RAG1: variants seen among roughly 807,000 people sequenced by gnomAD.
RAG1 encodes the protein V(D)J recombination-activating protein 1.
RAG1 carries 35 observed loss-of-function variants against 62.7 expected under a neutral mutation model. That is an observed-to-expected ratio of 0.56 (90% confidence interval 0.43 to 0.74). The LOEUF (loss-of-function observed/expected upper bound fraction) is 0.74. Among genes scored for constraint, RAG1 ranks in the 30% least tolerant of loss-of-function variants. The probability of loss-of-function intolerance (pLI) is 0.00; values close to 1 mark genes in which losing one functional copy is unlikely to be tolerated. For synonymous variants in RAG1, 461 were observed against 470.3 expected (o/e 0.98, Z 0.26); for missense variants, 1,169 against 1,278.6 (o/e 0.91, Z 1.31).
chr11:36,575,046 T>A lies in RAG1; in HGVS notation c.1742T>A (p.Met581Lys). 6.2e-7 allele frequency: 1 copy of A among 1,614,050 alleles called. No homozygotes were observed. Among genetic ancestry groups the A allele is most frequent in the Non-Finnish European group, 8.5e-7 (1 of 1,179,946 alleles). Reference sequence around the variant, plus strand: ...ATGGAAGAAGACATCTTGGAAGGCATGAGATCCCAAGACCTTGATGATTAC... The same window carrying A: ...ATGGAAGAAGACATCTTGGAAGGCAAGAGATCCCAAGACCTTGATGATTAC... Reference protein sequence around the residue: ...MDMEEDILEGMRSQDLDDYLN... With the variant: ...MDMEEDILEGKRSQDLDDYLN... The change falls in exon 2 of 2, where the codon ATG (methionine) becomes AAG (lysine). Residue 581 changes from methionine to lysine, a missense_variant. Transcript: ENST00000299440. The surrounding 1 kb of genome is among the most constrained non-coding windows in gnomAD (Gnocchi z 4.1).
intron 2 of RAG1, among the ~76,000 whole-genome samples, chr11:36,527,258 G>T (rs1178580937): frequency 3.9e-5 from 6 of 152,096 alleles, no homozygotes; most frequent in Non-Finnish European, 1.5e-5. Context: ...GTTAATTTTT[G>T]TATAAGGTGT....
At chr11:36,571,009 A>G (rs942811293) in intron 1 of RAG1, among the ~76,000 whole-genome samples, 1 of 152,190 alleles carries the variant, frequency 6.6e-6, no homozygotes, top group Non-Finnish European at 1.5e-5. Flanking sequence ...TTTGCTGTGC[A>G]GAAGCTTTTA....
chr11:36,572,682 C>T (rs576077884), intron 1 of RAG1, among the ~76,000 whole-genome samples: 22 of 152,192 alleles, frequency 1.4e-4, no homozygotes, highest in Non-Finnish European at 2.2e-4. Flanking sequence ...TTACTATCCA[C>T]GATACTTATT....
In RAG1 at chr11:36,579,342, A is replaced by G. The variant is rs1162165034; in HGVS notation, c.*2906A>G. On this transcript the variant is annotated 3_prime_UTR_variant, in exon 2 of 2. Coordinates refer to ENST00000299440, the MANE Select transcript of RAG1 (RefSeq NM_000448.3). ...TGTGTCTTCAGTGATTGTATGACAG[A>G]TGATGTATTCTTTTGATGTTAAAAG... is the stretch of plus-strand genomic sequence containing the variant. The G allele has an allele frequency of 6.0e-6, 1 of 167,086 alleles. No homozygotes were observed. The highest frequency in any genetic ancestry group is 1.5e-5 in the Non-Finnish European group (1 of 68,130). 10.4% of individuals were successfully genotyped at this position (167,086 alleles called of 1,614,324 possible). A position where few individuals can be genotyped will look rare whatever the true frequency, so the allele number is the denominator to read the frequency against.
intron 2 of RAG1, among the ~76,000 whole-genome samples, chr11:36,527,021 T>C (rs1860173626): frequency 6.6e-6 from 1 of 152,182 alleles, no homozygotes; most frequent in Admixed American, 6.5e-5. Context: ...CATTTTCTCC[T>C]ATTCTGTAGG....
intron 3 of RAG1, among the ~76,000 whole-genome samples, chr11:36,559,229 T>A (rs778326622): frequency 2.0e-5 from 3 of 152,218 alleles, no homozygotes; most frequent in African/African-American, 4.8e-5. Flanking sequence ...TAATGAAGAT[T>A]CCCTTATATT....
rs74534829 is a variant in RAG1 at position 36,571,980 on chromosome 11, G to T, written c.-14-1311G>T. ...ATAGAACAAACTTCAGTAAAGCGGG[G>T]ACTTGAAAAGAGGCTTTGGTAACAG... is the stretch of plus-strand genomic sequence containing the variant. On this transcript the variant is annotated intron_variant, in intron 1 of 1. Coordinates refer to ENST00000299440, the MANE Select transcript of RAG1 (RefSeq NM_000448.3). Among the ~76,000 whole-genome samples, 1,320 of 152,240 alleles carry T rather than the reference G, an allele frequency of 8.7e-3. 21 individuals are homozygous for T. The highest frequency in any genetic ancestry group is 0.031 in the African/African-American group (1,272 of 41,524).
At chr11:36,526,499 G>A (rs1860165316) in intron 2 of RAG1, among the ~76,000 whole-genome samples, 1 of 152,052 alleles carries the variant, frequency 6.6e-6, no homozygotes, top group Non-Finnish European at 1.5e-5. Flanking sequence ...CATTTGGGTT[G>A]GTTACAAGTC....
chr11:36,534,064 AT>A (rs1431718832), intron 2 of RAG1, among the ~76,000 whole-genome samples: 1 of 152,078 alleles, frequency 6.6e-6, no homozygotes. Flanking sequence ...GTTAAAAAAA[AT>A]ATTGATCCCT....
chr11:36,548,307 T>A (rs1035060663), intron 3 of RAG1, among the ~76,000 whole-genome samples: 3 of 152,192 alleles, frequency 2.0e-5, no homozygotes, highest in African/African-American at 7.2e-5. Context: ...ATAAAGCGTA[T>A]TCAGATGGGA....
chr11:36,578,001 A>T lies in RAG1; in HGVS notation c.*1565A>T, dbSNP rs972729242. The stretch of plus-strand genomic sequence containing the variant: ...TGGCTCCAGTTATTTGGAAACTATG[A>T]TCTGCATCCTTAGGAATCTGGGATT... On this transcript the variant is annotated 3_prime_UTR_variant, in exon 2 of 2. Coordinates refer to ENST00000299440, the MANE Select transcript of RAG1 (RefSeq NM_000448.3). The T allele has an allele frequency of 1.2e-5, 2 of 167,130 alleles. No individual in the cohort carries two copies. Among genetic ancestry groups the T allele is most frequent in the African/African-American group, 4.8e-5 (2 of 41,468 alleles). The allele number at this position is 167,130 out of a possible 1,614,324, so 10.4% of individuals were successfully genotyped here.
intron 1 of RAG1, among the ~76,000 whole-genome samples, chr11:36,514,600 G>T (rs2133689471): frequency 6.6e-6 from 1 of 152,332 alleles, no homozygotes; most frequent in Non-Finnish European, 1.5e-5. Context: ...TTGTTTTGCT[G>T]CAACTAGACA....
rs1850894274 is a variant in RAG1 at position 36,578,960 on chromosome 11, T to A, written c.*2524T>A. On this transcript the variant is annotated 3_prime_UTR_variant, in exon 2 of 2. Coordinates refer to ENST00000299440, the MANE Select transcript of RAG1 (RefSeq NM_000448.3). Reference sequence around the variant, plus strand: ...TGAAACCTGAATCTACAAGTTTTCCTGCCAAGCCACTCAGGTGCATTGCAG... The same window carrying A: ...TGAAACCTGAATCTACAAGTTTTCCAGCCAAGCCACTCAGGTGCATTGCAG... The A allele has an allele frequency of 6.0e-6, 1 of 167,110 alleles. No homozygotes were observed. The highest frequency in any genetic ancestry group is 1.5e-5 in the Non-Finnish European group (1 of 68,136). 10.4% of individuals were successfully genotyped at this position (167,110 alleles called of 1,614,324 possible).
At chr11:36,562,304 TTG>T (rs2133281505) in intron 3 of RAG1, among the ~76,000 whole-genome samples, 1 of 152,324 alleles carries the variant, frequency 6.6e-6, no homozygotes, top group South Asian at 2.1e-4. Flanking sequence ...TGGAGGAGGA[TTG>T]TGAGTTCTTG....
intron 2 of RAG1, among the ~76,000 whole-genome samples, chr11:36,529,156 T>G (rs1860212495): frequency 6.6e-6 from 1 of 152,124 alleles, no homozygotes; most frequent in African/African-American, 2.4e-5. Context: ...GCCAGCATCA[T>G]CCTGATACCA....
At chr11:36,512,623 AATGAGGTCAT>A in intron 1 of RAG1, among the ~76,000 whole-genome samples, 1 of 152,330 alleles carries the variant, frequency 6.6e-6, no homozygotes, top group Non-Finnish European at 1.5e-5. Context: ...TATGAGTTCA[AATGAGGTCAT>A]ATGGAAAGAT....
At chr11:36,559,863 C>T (rs1395068765) in intron 3 of RAG1, among the ~76,000 whole-genome samples, 1 of 152,128 alleles carries the variant, frequency 6.6e-6, no homozygotes, top group Non-Finnish European at 1.5e-5. Flanking sequence ...TCAGGCATTT[C>T]ATAGATTTTC....
intron 3 of RAG1, among the ~76,000 whole-genome samples, chr11:36,560,928 T>C (rs1165388353): frequency 2.0e-5 from 3 of 152,242 alleles, no homozygotes; most frequent in African/African-American, 4.8e-5. Flanking sequence ...CGTTAGACGC[T>C]GTACTCAAAG....
chr11:36,574,650 G>A lies in RAG1; in HGVS notation c.1346G>A (p.Arg449Lys), dbSNP rs4151031. The change falls in exon 2 of 2, where the codon AGG (arginine) becomes AAG (lysine). Residue 449 changes from arginine to lysine, a missense_variant. Coordinates refer to ENST00000299440, the MANE Select transcript of RAG1 (RefSeq NM_000448.3). ...GCTCTGAGGGCGAGGAATGAGCACAGGCAAGCTGATGAGCTGGAGGCCATC... is the reference window on the plus strand; with the variant it reads ...GCTCTGAGGGCGAGGAATGAGCACAAGCAAGCTGATGAGCTGGAGGCCATC... ...LLALRARNEH[R>K]QADELEAIMQ... 24,033 of 1,614,222 alleles carry A rather than the reference G, an allele frequency of 0.015. 207 individuals carry two copies. Among genetic ancestry groups the A allele is most frequent in the Non-Finnish European group, 0.018 (21,803 of 1,180,030 alleles).
Sources: allele counts gnomAD v4.1 joint callset (sites outside exome capture counted in the v4.1 genomes callset), GRCh38; gene constraint gnomAD v4.1.1; non-coding constraint Gnocchi (gnomAD v3.1); transcripts MANE v1.5; gene names NCBI Gene and HGNC (gene_info 2026-07-23, HGNC 2026-07-21).